The following USP42 variants were observed in gnomAD, a reference collection of about 807,000 sequenced individuals.
The protein encoded by USP42 is ubiquitin carboxyl-terminal hydrolase 42.
USP42 carries 23 observed loss-of-function variants against 113.0 expected under a neutral mutation model. That is an observed-to-expected ratio of 0.20 (90% confidence interval 0.15 to 0.29). The LOEUF is 0.29. Ranked by LOEUF, USP42 falls within the 10% of genes least tolerant of loss-of-function variation. USP42 has a pLI of 1.00. For missense variants in USP42, 2,174 were observed against 1,779.8 expected (o/e 1.22, Z -3.99); for synonymous variants, 933 against 699.0 (o/e 1.33, Z -5.28).
the USP42 span, among the ~76,000 whole-genome samples, chr7:6,083,680 A>G: frequency 6.7e-6 from 1 of 150,116 alleles, no homozygotes; most frequent in East Asian, 1.9e-4. Context: ...GTATATATAC[A>G]CACACACACA....
the USP42 span, among the ~76,000 whole-genome samples, chr7:6,099,825 T>C: frequency 4.6e-5 from 7 of 150,724 alleles, no homozygotes; most frequent in African/African-American, 1.7e-4. Context: ...TATCTGGGCA[T>C]TGTGGTGGGT....
At chr7:6,110,724 A>G (rs1236100549) in intron 1 of USP42, among the ~76,000 whole-genome samples, 4 of 152,240 alleles carry the variant, frequency 2.6e-5, no homozygotes, top group Non-Finnish European at 5.9e-5. Context: ...TTGAAGATGT[A>G]GTCAAATGTA....
intron 1 of USP42, among the ~76,000 whole-genome samples, chr7:6,105,869 T>G (rs550330105): frequency 6.6e-6 from 1 of 152,176 alleles, no homozygotes; most frequent in African/African-American, 2.4e-5. Context: ...TGTTAATGAC[T>G]CTTAGGAGGC....
upstream of USP42, among the ~76,000 whole-genome samples, chr7:6,099,994 T>C (rs1790068875): frequency 8.2e-6 from 1 of 121,638 alleles, no homozygotes; most frequent in African/African-American, 3.2e-5. Flanking sequence ...TACTACCAAA[T>C]TTCACAAGTC....
At chr7:6,123,642 G>A (rs1470982296) in intron 3 of USP42, among the ~76,000 whole-genome samples, 1 of 151,874 alleles carries the variant, frequency 6.6e-6, no homozygotes, top group African/African-American at 2.4e-5. Flanking sequence ...CAGCCTGGGC[G>A]ACAGCGAGAC....
intron 1 of USP42, among the ~76,000 whole-genome samples, chr7:6,106,731 A>ATTTTT (rs72032655): frequency 6.8e-6 from 1 of 145,988 alleles, no homozygotes; most frequent in Non-Finnish European, 1.5e-5. Context: ...CACCCAGCTA[A>ATTTTT]TTTTTTTTTT....
the USP42 span, among the ~76,000 whole-genome samples, chr7:6,091,680 T>TAC: frequency 0.026 from 3,522 of 136,096 alleles, 148 homozygotes; most frequent in East Asian, 0.11. Context: ...TATGTTAGCA[T>TAC]ACACACACAC....
chr7:6,091,939 G>C, the USP42 span, among the ~76,000 whole-genome samples: 7 of 147,380 alleles, frequency 4.7e-5, no homozygotes, highest in Admixed American at 4.7e-4. Flanking sequence ...TTCGATATCT[G>C]CCTGGAAAAA....
intron 1 of USP42, among the ~76,000 whole-genome samples, chr7:6,110,544 C>T (rs1337614295): frequency 1.3e-5 from 2 of 152,042 alleles, no homozygotes; most frequent in African/African-American, 4.8e-5. Context: ...GTCATACATT[C>T]CATATAAATG....
rs1446844554 is a variant in USP42, at chr7:6,140,193, G to C, written c.722G>C (p.Arg241Thr). Residue 241 changes from arginine (R) to threonine (T), a missense_variant and splice_region_variant, in exon 6 of 18, where the codon AGA (arginine) becomes ACA (threonine). Coordinates refer to ENST00000306177, the MANE Select transcript of USP42 (RefSeq NM_032172.3). ...CQIFGGYLRS[R>T]VKCLNCKGVS... ...ATATTTGGAGGATACCTAAGATCTAGAGGTAAGCTTTTGCTTATAAGTTGA... is the reference window on the plus strand; with the variant it reads ...ATATTTGGAGGATACCTAAGATCTACAGGTAAGCTTTTGCTTATAAGTTGA... The C allele has an allele frequency of 1.2e-6, 2 of 1,613,078 alleles. No homozygotes were observed. Among genetic ancestry groups the C allele is most frequent in the Non-Finnish European group, 1.7e-6 (2 of 1,179,188 alleles).
At chr7:6,124,874 C>G (rs1308047005) in intron 3 of USP42, among the ~76,000 whole-genome samples, 3 of 151,960 alleles carry the variant, frequency 2.0e-5, no homozygotes, top group Admixed American at 2.0e-4. Flanking sequence ...TATCAGTTTA[C>G]CTTCAAATAA....
chr7:6,151,673 C>T (rs181502915), intron 14 of USP42, among the ~76,000 whole-genome samples: 178 of 152,280 alleles, frequency 1.2e-3, no homozygotes, highest in Non-Finnish European at 2.1e-3. Flanking sequence ...AAACTCCTGA[C>T]CTCAACTCAT....
At chr7:6,113,050 C>T (rs576737469) in intron 2 of USP42, among the ~76,000 whole-genome samples, 120 of 151,884 alleles carry the variant, frequency 7.9e-4, no homozygotes, top group Middle Eastern at 3.4e-3. Flanking sequence ...ACTACAGGTG[C>T]GCGCCACCAT....
At chr7:6,096,268 T>C in the USP42 span, among the ~76,000 whole-genome samples, 5 of 151,328 alleles carry the variant, frequency 3.3e-5, no homozygotes, top group Non-Finnish European at 7.3e-5. Flanking sequence ...AGGCCAGCAG[T>C]TCGAGACCAG....
intron 11 of USP42, among the ~76,000 whole-genome samples, chr7:6,147,170 G>A (rs1299483315): frequency 2.0e-5 from 3 of 152,228 alleles, no homozygotes; most frequent in African/African-American, 7.2e-5. Context: ...ATGATCAGAG[G>A]AGGCCTCAGG....
chr7:6,087,251 G>A, the USP42 span, among the ~76,000 whole-genome samples: 1 of 150,082 alleles, frequency 6.7e-6, no homozygotes, highest in Non-Finnish European at 1.5e-5. Flanking sequence ...GGCTGGTCTG[G>A]AACTCCTGAC....
intron 2 of USP42, among the ~76,000 whole-genome samples, chr7:6,112,717 T>G (rs994383266): frequency 7.9e-5 from 12 of 151,972 alleles, no homozygotes; most frequent in Non-Finnish European, 2.9e-5. Flanking sequence ...TCTTAAAACA[T>G]TGAGTTTTTT....
rs369163067 is a variant in USP42 at position 6,140,110 on chromosome 7, C to T, written c.657-18C>T. ...TTTGCAAAGCTCTTCTCTCATGTCA[C>T]TGTTCAACGTTTTTCAGATTAGACA... On this transcript the variant is annotated intron_variant, in intron 5 of 17. Transcript: ENST00000306177. 6.2e-7 allele frequency: 1 copy of T among 1,612,874 alleles called. No homozygotes were observed. The highest frequency in any genetic ancestry group is 8.5e-7 in the Non-Finnish European group (1 of 1,178,840).
At chr7:6,118,804 C>T (rs1780051822) in intron 3 of USP42, among the ~76,000 whole-genome samples, 1 of 151,918 alleles carries the variant, frequency 6.6e-6, no homozygotes, top group Non-Finnish European at 1.5e-5. Flanking sequence ...GCACTTTAGA[C>T]AGAAGAAAAA....
Sources: allele counts gnomAD v4.1 joint callset (sites outside exome capture counted in the v4.1 genomes callset), GRCh38; gene constraint gnomAD v4.1.1; transcripts MANE v1.5; gene names NCBI Gene and HGNC (gene_info 2026-07-23, HGNC 2026-07-21).